The following CLSTN2 variants were observed in gnomAD, a reference collection of about 807,000 sequenced individuals.
CLSTN2 encodes the protein calsyntenin 2.
A neutral mutation model predicts 101.2 loss-of-function variants in CLSTN2; 48 were observed. The observed-to-expected ratio is 0.47, with a 90% confidence interval of 0.38 to 0.60. The LOEUF is 0.60. Ranked by LOEUF, CLSTN2 falls within the 20% of genes least tolerant of loss-of-function variation. The probability of loss-of-function intolerance (pLI) is 0.00; values close to 1 mark genes in which losing one functional copy is unlikely to be tolerated. For missense variants in CLSTN2, 1,160 were observed against 1,238.2 expected (o/e 0.94, Z 0.95); for synonymous variants, 481 against 463.6 (o/e 1.04, Z -0.48).
intron 2 of CLSTN2, among the ~76,000 whole-genome samples, chr3:140,217,898 A>G (rs906162482): frequency 2.6e-5 from 4 of 152,220 alleles, no homozygotes; most frequent in African/African-American, 9.6e-5. Context: ...AACCAAACCT[A>G]ATTTCCTTCA....
intron 1 of CLSTN2, among the ~76,000 whole-genome samples, chr3:140,174,133 T>C (rs2010284877): frequency 6.6e-6 from 1 of 152,202 alleles, no homozygotes; most frequent in Non-Finnish European, 1.5e-5. Context: ...AGCACCCAAG[T>C]CATCTCTTGA....
At chr3:139,949,575 A>G (rs1935261259) in intron 1 of CLSTN2, among the ~76,000 whole-genome samples, 1 of 152,220 alleles carries the variant, frequency 6.6e-6, no homozygotes, top group South Asian at 2.1e-4. Flanking sequence ...GGGGAGCGGA[A>G]GCTAGATAGC....
Position 140,459,502 on chromosome 3 carries a change from C to T in CLSTN2, c.974-19C>T, listed in dbSNP as rs370599731. The T allele has an allele frequency of 8.7e-6, 14 of 1,612,390 alleles. No homozygotes were observed. The highest frequency in any genetic ancestry group is 1.7e-5 in the Admixed American group (1 of 59,996). On this transcript the variant is annotated intron_variant, in intron 6 of 16. Coordinates refer to ENST00000458420, the MANE Select transcript of CLSTN2 (RefSeq NM_022131.3). ...ACCGCATCATGACCTGTTATCCTTT[C>T]TTTCCTGACCCTCTGCAGGAGCCTC...
At chr3:140,536,717 T>TTTA (rs1220952333) in intron 9 of CLSTN2, among the ~76,000 whole-genome samples, 1 of 152,208 alleles carries the variant, frequency 6.6e-6, no homozygotes, top group Non-Finnish European at 1.5e-5. Flanking sequence ...TCTTAAGATC[T>TTTA]TTAAAATTGG....
At chr3:140,034,370 A>G (rs994599010) in intron 1 of CLSTN2, among the ~76,000 whole-genome samples, 3 of 152,208 alleles carry the variant, frequency 2.0e-5, no homozygotes, top group African/African-American at 7.2e-5. Context: ...TAGAACTGGG[A>G]TGTCATCATT....
chr3:140,081,134 G>C (rs1025882251), intron 1 of CLSTN2, among the ~76,000 whole-genome samples: 3 of 152,232 alleles, frequency 2.0e-5, no homozygotes, highest in Admixed American at 2.0e-4. Context: ...AGATGTGTGA[G>C]CAAGTGATGG....
At chr3:140,008,625 C>G (rs1218323476) in intron 1 of CLSTN2, among the ~76,000 whole-genome samples, 1 of 152,268 alleles carries the variant, frequency 6.6e-6, no homozygotes, top group Non-Finnish European at 1.5e-5. Flanking sequence ...TCTACTCTGC[C>G]TGGATCAGAG....
intron 1 of CLSTN2, among the ~76,000 whole-genome samples, chr3:140,142,821 C>T (rs1044820458): frequency 2.0e-5 from 3 of 152,114 alleles, no homozygotes; most frequent in African/African-American, 7.2e-5. Flanking sequence ...TCAGTTTGCC[C>T]AGCTGTAAAA....
At chr3:140,374,675 GAAGA>G (rs1200279499) in intron 2 of CLSTN2, among the ~76,000 whole-genome samples, 16 of 152,296 alleles carry the variant, frequency 1.1e-4, no homozygotes, top group African/African-American at 3.6e-4. Flanking sequence ...ATTAATGCAA[GAAGA>G]AATAGAAAAC....
At chr3:140,412,361 T>C (rs1381472269) in intron 4 of CLSTN2, among the ~76,000 whole-genome samples, 5 of 152,160 alleles carry the variant, frequency 3.3e-5, no homozygotes, top group African/African-American at 1.2e-4. Flanking sequence ...AGGCATGAGT[T>C]CTAGGAGGTC....
rs374697135 is a variant in CLSTN2 at position 140,021,020 on chromosome 3, T to A, written c.109+85537T>A. Among the ~76,000 whole-genome samples, 58 of 152,334 alleles carry A rather than the reference T, an allele frequency of 3.8e-4. No homozygotes were observed. In the South Asian group the frequency reaches 0.011, roughly 29 times the overall value. ...TCTCCACCCAGCACTCATTTTAACC[T>A]TTTATTTAGAAACAAAACAAAGAAA... On this transcript the variant is annotated intron_variant, in intron 1 of 16. Transcript: ENST00000458420.
At chr3:140,482,499 G>A (rs1934141312) in intron 8 of CLSTN2, among the ~76,000 whole-genome samples, 1 of 152,066 alleles carries the variant, frequency 6.6e-6, no homozygotes, top group South Asian at 2.1e-4. Context: ...CTATTGATTG[G>A]AAGTTTCAGA....
At chr3:140,261,189 A>G (rs2086651146) in intron 2 of CLSTN2, among the ~76,000 whole-genome samples, 1 of 150,996 alleles carries the variant, frequency 6.6e-6, no homozygotes, top group Admixed American at 6.6e-5. Flanking sequence ...AGGGAAGAAT[A>G]TTTACATAAA....
chr3:140,340,219 G>A (rs934626551), intron 2 of CLSTN2, among the ~76,000 whole-genome samples: 2 of 152,160 alleles, frequency 1.3e-5, no homozygotes, highest in Admixed American at 1.3e-4. Flanking sequence ...CTTAGCCCAG[G>A]CTAATTTGTA....
chr3:139,952,609 T>C (rs1202285305), intron 1 of CLSTN2, among the ~76,000 whole-genome samples: 1 of 152,162 alleles, frequency 6.6e-6, no homozygotes, highest in South Asian at 2.1e-4. Flanking sequence ...GAAATACCTA[T>C]GACAGCCAGA....
intron 8 of CLSTN2, among the ~76,000 whole-genome samples, chr3:140,522,851 T>C (rs1935059575): frequency 6.6e-6 from 1 of 152,144 alleles, no homozygotes; most frequent in Non-Finnish European, 1.5e-5. Context: ...GCTCCTGTGG[T>C]TCCTGTTATG....
intron 9 of CLSTN2, among the ~76,000 whole-genome samples, chr3:140,536,648 T>C (rs1297268809): frequency 1.3e-5 from 2 of 152,176 alleles, no homozygotes; most frequent in Non-Finnish European, 2.9e-5. Context: ...ATGGGAAGAT[T>C]TGAGTATTTT....
intron 8 of CLSTN2, among the ~76,000 whole-genome samples, chr3:140,512,561 C>G (rs1934835750): frequency 1.3e-5 from 2 of 152,046 alleles, no homozygotes; most frequent in Admixed American, 6.5e-5. Context: ...ATGCCTCCAG[C>G]TTTATTCTTT....
chr3:140,166,397 C>A (rs2010135679), intron 1 of CLSTN2, among the ~76,000 whole-genome samples: 1 of 152,116 alleles, frequency 6.6e-6, no homozygotes, highest in Non-Finnish European at 1.5e-5. Context: ...GTATAGTTAA[C>A]CTTGTTAGAG....
Sources: gnomAD v4.1 joint callset for allele counts (sites outside exome capture counted in the v4.1 genomes callset) on GRCh38, gnomAD v4.1.1 for gene constraint, MANE v1.5 for transcripts, NCBI Gene and HGNC (gene_info 2026-07-23, HGNC 2026-07-21) for gene names.